ZNF608: variants seen among roughly 807,000 people sequenced by gnomAD.
ZNF608 encodes the protein zinc finger protein 608.
Under a neutral mutation model 109.0 loss-of-function variants are expected in ZNF608, and 12 were observed. The observed-to-expected ratio is 0.11, with a 90% CI of 0.07 to 0.18. The LOEUF (loss-of-function observed/expected upper bound fraction) is 0.18, where lower values mean the gene tolerates loss of function less well. Ranked by LOEUF, ZNF608 falls within the 10% of genes least tolerant of loss-of-function variation. The probability of loss-of-function intolerance (pLI) is 1.00; values close to 1 mark genes in which losing one functional copy is unlikely to be tolerated. For synonymous variants in ZNF608, 732 were observed against 717.4 expected, an observed-to-expected ratio of 1.02 and a Z score of -0.33; for missense variants, 1,707 against 1,879.3, an observed-to-expected ratio of 0.91 and a Z score of 1.70.
intron 3 of ZNF608, among the ~76,000 whole-genome samples, chr5:124,686,750 T>C (rs375170859): frequency 4.7e-4 from 71 of 152,326 alleles, no homozygotes; most frequent in Middle Eastern, 3.4e-3. Context: ...CTTGAGTTAC[T>C]TCAAAAGTTG....
chr5:124,662,541 GCATTATTCTCTTATTCTCTGGTCT>G (rs1301760855), intron 3 of ZNF608, among the ~76,000 whole-genome samples: 9 of 152,148 alleles, frequency 5.9e-5, no homozygotes, highest in African/African-American at 2.2e-4. Context: ...CCTATTGTTC[GCATTATTCTCTTATTCTCTGGTCT>G]CATGAAGTTA....
rs969395763 is a variant in ZNF608, at chr5:124,736,579, T to TA, written c.906+7504dup. 2.9e-3 allele frequency among the ~76,000 whole-genome samples: 425 copies of TA among 146,756 alleles called. 3 individuals are homozygous for TA. The highest frequency in any genetic ancestry group is 8.3e-3 in the African/African-American group (332 of 40,180). On this transcript the variant is annotated intron_variant, in intron 2 of 9. Coordinates refer to ENST00000513986, the MANE Select transcript of ZNF608 (RefSeq NM_020747.3). Reference sequence around the variant, plus strand: ...ATCCAAACACATGATGAGTGTAGTTTAAAAAAAAAAAAGTACATTTCCTCC... The same window carrying TA: ...ATCCAAACACATGATGAGTGTAGTTTAAAAAAAAAAAAAGTACATTTCCTCC...
chr5:124,702,482 T>C (rs1237643865), intron 2 of ZNF608, among the ~76,000 whole-genome samples: 3 of 148,208 alleles, frequency 2.0e-5, no homozygotes, highest in Middle Eastern at 3.4e-3. Context: ...TAATAGTATA[T>C]AGTCTTTGTT....
At chr5:124,730,629 G>A (rs1051415927) in intron 2 of ZNF608, among the ~76,000 whole-genome samples, 1 of 152,162 alleles carries the variant, frequency 6.6e-6, no homozygotes, top group Non-Finnish European at 1.5e-5. Flanking sequence ...TTAGACTTTG[G>A]TGTAAACAGG....
intron 3 of ZNF608, among the ~76,000 whole-genome samples, chr5:124,691,628 A>C (rs1752635026): frequency 6.6e-6 from 1 of 152,238 alleles, no homozygotes. Flanking sequence ...ATATACACAC[A>C]CTGGAATATT....
At chr5:124,676,495 T>C (rs1751951455) in intron 3 of ZNF608, among the ~76,000 whole-genome samples, 1 of 152,216 alleles carries the variant, frequency 6.6e-6, no homozygotes, top group African/African-American at 2.4e-5. Flanking sequence ...TATGGAACTT[T>C]CTTTGAAGTG....
intron 3 of ZNF608, among the ~76,000 whole-genome samples, chr5:124,662,287 C>T (rs1751295699): frequency 6.6e-6 from 1 of 152,212 alleles, no homozygotes; most frequent in Non-Finnish European, 1.5e-5. Flanking sequence ...CAAGTCAAAA[C>T]CTGCTTTCCT....
chr5:124,708,277 A>G (rs1753342384), intron 2 of ZNF608, among the ~76,000 whole-genome samples: 2 of 152,238 alleles, frequency 1.3e-5, no homozygotes, highest in Non-Finnish European at 2.9e-5. Flanking sequence ...TTTGATCTTT[A>G]CAAAATTGTT....
intron 3 of ZNF608, among the ~76,000 whole-genome samples, chr5:124,671,946 C>G (rs1228400624): frequency 6.6e-6 from 1 of 152,132 alleles, no homozygotes; most frequent in Non-Finnish European, 1.5e-5. Context: ...CCCCCTTGGG[C>G]TTCTTTATCA....
chr5:124,745,174 T>G lies in ZNF608; in HGVS notation c.-183-2A>C. On this transcript the variant is annotated splice_acceptor_variant, in intron 1 of 9. Coordinates refer to ENST00000513986, the MANE Select transcript of ZNF608 (RefSeq NM_020747.3). LOFTEE classifies it low-confidence loss of function (5UTR_SPLICE). The stretch of plus-strand genomic sequence containing the variant: ...CCCTCAGTCCAGGTCCACCTTTTCC[T>G]GTGAAGGGGGGGGGAAAAGTCGAAT... 7.2e-7 allele frequency: 1 copy of G among 1,397,036 alleles called. No homozygotes were observed. Among genetic ancestry groups the G allele is most frequent in the South Asian group, 1.7e-5 (1 of 57,312 alleles). 86.5% of individuals were successfully genotyped at this position (1,397,036 alleles called of 1,614,324 possible).
At chr5:124,691,011 G>T (rs1032328657) in intron 3 of ZNF608, among the ~76,000 whole-genome samples, 1 of 151,528 alleles carries the variant, frequency 6.6e-6, no homozygotes, top group African/African-American at 2.4e-5. Context: ...ATTTTTCATT[G>T]GGTTATTTGT....
intron 2 of ZNF608, among the ~76,000 whole-genome samples, chr5:124,736,961 T>G (rs1749181853): frequency 6.6e-6 from 1 of 152,202 alleles, no homozygotes; most frequent in Admixed American, 6.5e-5. Flanking sequence ...ACCAAGCTAT[T>G]ATTTCAAACT....
At chr5:124,689,112 C>G (rs1225343492) in intron 3 of ZNF608, among the ~76,000 whole-genome samples, 1 of 152,066 alleles carries the variant, frequency 6.6e-6, no homozygotes, top group African/African-American at 2.4e-5. Context: ...ATGAGAAAAG[C>G]TAAAGACCAG....
At chr5:124,641,599 G>A (rs964195813) in intron 7 of ZNF608, among the ~76,000 whole-genome samples, 194 bp from the exon 8 acceptor site, 3 of 152,072 alleles carry the variant, frequency 2.0e-5, no homozygotes, top group African/African-American at 7.2e-5. Context: ...CAACACAAAA[G>A]AACTACTCCA....
intron 3 of ZNF608, among the ~76,000 whole-genome samples, chr5:124,653,922 TGC>T (rs781380653): frequency 1.3e-5 from 2 of 152,152 alleles, no homozygotes; most frequent in South Asian, 2.1e-4. Flanking sequence ...GGACTTTGTG[TGC>T]GTGTGTGTGT....
intron 3 of ZNF608, among the ~76,000 whole-genome samples, chr5:124,694,967 G>A (rs1349609509): frequency 6.6e-6 from 1 of 152,148 alleles, no homozygotes; most frequent in East Asian, 1.9e-4. Flanking sequence ...AGTTCTTCCA[G>A]CCCCTCAGAA....
chr5:124,714,664 A>G (rs1753624227), intron 2 of ZNF608, among the ~76,000 whole-genome samples: 1 of 152,236 alleles, frequency 6.6e-6, no homozygotes, highest in South Asian at 2.1e-4. Flanking sequence ...GAGATCCTAC[A>G]TAAAGCCCGT....
intron 3 of ZNF608, among the ~76,000 whole-genome samples, chr5:124,657,502 A>C (rs1751063054): frequency 6.6e-6 from 1 of 151,128 alleles, no homozygotes; most frequent in Admixed American, 6.6e-5. Flanking sequence ...TCTACTAAAA[A>C]ATAAAAAAAT....
chr5:124,646,863 G>A lies in ZNF608; in HGVS notation c.3521C>T (p.Pro1174Leu). 1 of 1,614,244 alleles carries A rather than the reference G, an allele frequency of 6.2e-7. No homozygotes were observed. Among genetic ancestry groups the A allele is most frequent in the Non-Finnish European group, 8.5e-7 (1 of 1,180,042 alleles). The change falls in exon 5 of 10, where the codon CCT (proline) becomes CTT (leucine). Residue 1174 changes from proline to leucine, a missense_variant. Coordinates refer to ENST00000513986, the MANE Select transcript of ZNF608 (RefSeq NM_020747.3). ...KNHSKLGPSV[P>L]NKTEETGKSQ... ...TTTACCTGTCTCCTCAGTTTTATTA[G>A]GCACTGATGGCCCTAGTTTAGAATG...
Sources: allele counts gnomAD v4.1 joint callset (sites outside exome capture counted in the v4.1 genomes callset), GRCh38; gene constraint gnomAD v4.1.1; transcripts MANE v1.5; gene names NCBI Gene and HGNC (gene_info 2026-07-23, HGNC 2026-07-21).